Variants in GRM7 observed in about 807,000 individuals in gnomAD.
GRM7 encodes the protein glutamate metabotropic receptor 7.
In GRM7, 35 loss-of-function variants were observed where a neutral mutation model predicts 84.5. The ratio of observed to expected loss-of-function variants is 0.41; its 90% confidence interval spans 0.32 to 0.55. The LOEUF is 0.55. GRM7 is among the 20% of genes least tolerant of loss of function. The pLI is 0.19. For missense variants in GRM7, 1,003 were observed against 1,194.6 expected (o/e 0.84, Z 2.36); for synonymous variants, 487 against 455.1 (o/e 1.07, Z -0.89).
Position 7,148,539 on chromosome 3 carries a change from A to T in GRM7, c.736+1871A>T, listed in dbSNP as rs1408931336. 2.0e-5 allele frequency among the ~76,000 whole-genome samples: 3 copies of T among 152,186 alleles called. No individual in the cohort carries two copies. In the East Asian group the frequency reaches 5.8e-4, roughly 29 times the overall value. ...AAAGTGCAGCTTTCCTTGCCTTGGG[A>T]TCAAGATAAATGTTTGCTCTGGGTC... On this transcript the variant is annotated intron_variant, in intron 2 of 9. Transcript: ENST00000357716.
chr3:7,586,429 C>A (rs1695519322), intron 8 of GRM7, among the ~76,000 whole-genome samples: 1 of 151,262 alleles, frequency 6.6e-6, no homozygotes, highest in South Asian at 2.1e-4. Context: ...ACCCTGAAAA[C>A]AACCCAAGTG....
At chr3:7,390,068 G>C (rs1285963592) in intron 4 of GRM7, among the ~76,000 whole-genome samples, 1 of 152,006 alleles carries the variant, frequency 6.6e-6, no homozygotes, top group African/African-American at 2.4e-5. Context: ...AATTCCCCTA[G>C]TGATTGCTTG....
intron 7 of GRM7, among the ~76,000 whole-genome samples, chr3:7,558,950 G>A (rs1040451673): frequency 6.6e-6 from 1 of 152,082 alleles, no homozygotes; most frequent in Non-Finnish European, 1.5e-5. Flanking sequence ...AACCAGCAAA[G>A]TGGCTAATTT....
intron 4 of GRM7, among the ~76,000 whole-genome samples, chr3:7,329,735 G>A (rs894037538): frequency 3.9e-5 from 6 of 152,024 alleles, no homozygotes; most frequent in African/African-American, 1.5e-4. Flanking sequence ...GTGTGTATAC[G>A]TGTGTGTGTT....
chr3:7,478,250 C>A (rs1482137295), intron 7 of GRM7, among the ~76,000 whole-genome samples: 1 of 152,130 alleles, frequency 6.6e-6, no homozygotes, highest in African/African-American at 2.4e-5. Flanking sequence ...TGGGGACCCA[C>A]TGACCTGTTG....
In GRM7 at chr3:7,017,791, A is replaced by C. The variant is rs17702275; in HGVS notation, c.520-128661A>C. Among the ~76,000 whole-genome samples the C allele has an allele frequency of 5.6e-3, 859 of 152,328 alleles. 2 individuals carry two copies. The highest frequency in any genetic ancestry group is 0.031 in the Middle Eastern group (9 of 294). On this transcript the variant is annotated intron_variant, in intron 1 of 9. Coordinates refer to ENST00000357716, the MANE Select transcript of GRM7 (RefSeq NM_000844.4). Reference sequence around the variant, plus strand: ...AACTGGAGTTGAGAACCACTGACCTAGAGAATTACTGTGAGCTATGGTTTG... The same window carrying C: ...AACTGGAGTTGAGAACCACTGACCTCGAGAATTACTGTGAGCTATGGTTTG...
At chr3:7,628,638 A>G (rs1301116819) in intron 8 of GRM7, among the ~76,000 whole-genome samples, 3 of 152,162 alleles carry the variant, frequency 2.0e-5, no homozygotes, top group African/African-American at 4.8e-5. Context: ...TTATACGTCT[A>G]ACTCAGGTTT....
intron 8 of GRM7, among the ~76,000 whole-genome samples, chr3:7,591,948 C>A: frequency 6.6e-6 from 1 of 152,208 alleles, no homozygotes; most frequent in East Asian, 1.9e-4. Context: ...AGGATCAATT[C>A]TTTTACCCTG....
At chr3:6,987,147 T>A (rs1281869226) in intron 1 of GRM7, among the ~76,000 whole-genome samples, 2 of 152,224 alleles carry the variant, frequency 1.3e-5, no homozygotes, top group East Asian at 3.9e-4. Context: ...TTCTCTTTTT[T>A]CTTCTAGCCT....
intron 4 of GRM7, among the ~76,000 whole-genome samples, chr3:7,341,822 T>G (rs1356967688): frequency 2.0e-5 from 3 of 152,142 alleles, no homozygotes; most frequent in Admixed American, 6.5e-5. Flanking sequence ...TTTAATAACT[T>G]GCTCAAGTTT....
At chr3:7,404,273 C>G (rs1237600149) in intron 4 of GRM7, among the ~76,000 whole-genome samples, 1 of 152,118 alleles carries the variant, frequency 6.6e-6, no homozygotes, top group Non-Finnish European at 1.5e-5. Context: ...AGGTAGGCAT[C>G]AGGTCTTGGC....
intron 5 of GRM7, among the ~76,000 whole-genome samples, chr3:7,424,930 G>A (rs1206600394): frequency 6.6e-6 from 1 of 152,180 alleles, no homozygotes; most frequent in African/African-American, 2.4e-5. Context: ...GACTGTCCAT[G>A]AGAGGTTATT....
chr3:7,331,835 G>T (rs1208664512), intron 4 of GRM7, among the ~76,000 whole-genome samples: 2 of 152,246 alleles, frequency 1.3e-5, no homozygotes, highest in East Asian at 3.9e-4. Context: ...AAGAATTAGA[G>T]AAGAATCAAG....
At chr3:7,006,014 A>G (rs1431875056) in intron 1 of GRM7, among the ~76,000 whole-genome samples, 1 of 152,198 alleles carries the variant, frequency 6.6e-6, no homozygotes, top group Non-Finnish European at 1.5e-5. Context: ...GCTAAGATAG[A>G]GGAGAGGTAT....
intron 8 of GRM7, among the ~76,000 whole-genome samples, chr3:7,635,693 G>A (rs1396700732): frequency 1.3e-5 from 2 of 152,028 alleles, no homozygotes; most frequent in Non-Finnish European, 2.9e-5. Context: ...TATTTTTTAG[G>A]GACAAGGTCT....
intron 4 of GRM7, among the ~76,000 whole-genome samples, chr3:7,406,537 A>T (rs1695687316): frequency 6.6e-6 from 1 of 152,176 alleles, no homozygotes; most frequent in Non-Finnish European, 1.5e-5. Flanking sequence ...ATACATAAAA[A>T]TAGAATGATA....
chr3:7,354,518 G>A (rs1166186840), intron 4 of GRM7, among the ~76,000 whole-genome samples: 1 of 152,158 alleles, frequency 6.6e-6, no homozygotes, highest in East Asian at 1.9e-4. Context: ...AGCCATTAGA[G>A]CTGCTTCTGC....
rs367839108 is a variant in GRM7 at position 7,734,222 on chromosome 3, G to A, written c.2699-6135G>A. 2.1e-5 allele frequency among the ~76,000 whole-genome samples: 3 copies of A among 140,640 alleles called. No individual in the cohort carries two copies. In the South Asian group the frequency reaches 7.5e-4, roughly 35 times the overall value. The allele number at this position is 140,640 out of a possible 152,430, so 92.3% of individuals were successfully genotyped here. A position where few individuals can be genotyped will look rare whatever the true frequency, so the allele number is the denominator to read the frequency against. ...ACCTCCCTTATTCACCATTAGGAAGGGGTGCCAATTTGCTTTGGCAGGGGC... is the reference window on the plus strand; with the variant it reads ...ACCTCCCTTATTCACCATTAGGAAGAGGTGCCAATTTGCTTTGGCAGGGGC... On this transcript the variant is annotated intron_variant, in intron 9 of 9. Transcript: ENST00000357716.
chr3:7,464,613 G>A (rs754679570), intron 7 of GRM7, among the ~76,000 whole-genome samples: 1 of 151,652 alleles, frequency 6.6e-6, no homozygotes, highest in African/African-American at 2.4e-5. Flanking sequence ...GGCAGATCAC[G>A]AGGTCAGGAG....
Sources: gnomAD v4.1 joint callset for allele counts (sites outside exome capture counted in the v4.1 genomes callset) on GRCh38, gnomAD v4.1.1 for gene constraint, MANE v1.5 for transcripts, NCBI Gene and HGNC (gene_info 2026-07-23, HGNC 2026-07-21) for gene names.